NCLN: variants seen among roughly 807,000 people sequenced by gnomAD.
The protein encoded by NCLN is BOS complex subunit NCLN.
A neutral mutation model predicts 69.5 loss-of-function variants in NCLN; 34 were observed. The ratio of observed to expected loss-of-function variants is 0.49; its 90% CI spans 0.37 to 0.65. The LOEUF (loss-of-function observed/expected upper bound fraction) is 0.65. Among genes scored for constraint, NCLN ranks in the 30% least tolerant of loss-of-function variants. NCLN has a pLI of 0.00. For missense variants in NCLN, 710 were observed against 804.8 expected, an observed-to-expected ratio of 0.88 and a Z score of 1.42; for synonymous variants, 393 against 358.3, an observed-to-expected ratio of 1.10 and a Z score of -1.09.
intron 1 of NCLN, among the ~76,000 whole-genome samples, chr19:3,190,437 C>G (rs1915789411): frequency 6.6e-6 from 1 of 152,210 alleles, no homozygotes; most frequent in African/African-American, 2.4e-5. Context: ...ATGCACCCAG[C>G]TCAGCCCATC....
intron 9 of NCLN, 26 bp downstream of exon 9, chr19:3,204,777 C>A: frequency 6.9e-7 from 1 of 1,440,052 alleles, no homozygotes; most frequent in East Asian, 2.7e-5. Context: ...CCTGCCCGGC[C>A]CCTCCTAGGG....
chr19:3,206,102 GC>G, intron 10 of NCLN, 49 bp from the exon 11 acceptor site: 1 of 1,562,506 alleles, frequency 6.4e-7, no homozygotes, highest in East Asian at 2.4e-5. Flanking sequence ...CCTGGCCCCA[GC>G]CCCACTGCAG....
chr19:3,186,366 C>T, intron 1 of NCLN, 152 bp downstream of exon 1: 1 of 919,276 alleles, frequency 1.1e-6, no homozygotes, highest in Non-Finnish European at 1.5e-6. Context: ...GCCCTGGACC[C>T]CCGGGCGCCC....
At chr19:3,196,558 C>T (rs1342401399) in intron 4 of NCLN, among the ~76,000 whole-genome samples, 1 of 152,166 alleles carries the variant, frequency 6.6e-6, no homozygotes, top group East Asian at 1.9e-4. Context: ...AAGCCGCTGC[C>T]TCCCACCCCA....
rs1192809875 is a variant in NCLN at position 3,202,069 on chromosome 19, A to G, written c.800+443A>G. On this transcript the variant is annotated intron_variant, in intron 6 of 14. Transcript: ENST00000246117. ...CCACAGGTGCCCTCCGACATCACCC[A>G]CTGTCCGCTGGGGGCAGAAGCACCC... Among the ~76,000 whole-genome samples, 4 of 152,124 alleles carry G rather than the reference A, an allele frequency of 2.6e-5. No individual in the cohort carries two copies. The East Asian group carries it at 5.8e-4, about 22-fold the overall frequency.
chr19:3,200,526 G>T (rs997198228), intron 5 of NCLN, among the ~76,000 whole-genome samples: 8 of 150,988 alleles, frequency 5.3e-5, no homozygotes, highest in African/African-American at 1.9e-4. Flanking sequence ...TGGCCAGGAT[G>T]GTCTTGAACT....
Position 3,207,856 on chromosome 19 carries a change from G to A in NCLN, c.*168G>A, listed in dbSNP as rs189043388. 7.9e-3 allele frequency: 4,791 copies of A among 603,718 alleles called. 178 individuals carry two copies. In the African/African-American group the frequency reaches 0.08, roughly 10 times the overall value. 37.4% of individuals were successfully genotyped at this position (603,718 alleles called of 1,614,324 possible). A position where few individuals can be genotyped will look rare whatever the true frequency, so the allele number is the denominator to read the frequency against. ...ACAGAGCTTTTTTCTGTTGCTCTCC[G>A]AGACTGGGGGGGGATTGTTTCTTCT... On this transcript the variant is annotated 3_prime_UTR_variant, in exon 15 of 15. Coordinates refer to ENST00000246117, the MANE Select transcript of NCLN (RefSeq NM_020170.4).
intron 8 of NCLN, among the ~76,000 whole-genome samples, 179 bp from the exon 9 acceptor site, chr19:3,204,391 CCTT>C (rs1240345097): frequency 1.3e-5 from 2 of 152,114 alleles, no homozygotes; most frequent in Admixed American, 6.5e-5. Context: ...CCTTGTCCCT[CCTT>C]ACCCACTGCT....
At position 3,186,164 on chromosome 19, in the gene NCLN, A is replaced by T; in HGVS notation, c.134A>T (p.Glu45Val). The T allele has an allele frequency of 1.9e-6, 3 of 1,595,998 alleles. No homozygotes were observed. Among genetic ancestry groups the T allele is most frequent in the Non-Finnish European group, 2.6e-6 (3 of 1,173,632 alleles). Residue 45 changes from glutamate (E) to valine (V), a missense_variant, in exon 1 of 15, where the codon GAG (glutamate) becomes GTG (valine). Glu to Val is a moderately radical substitution (Grantham distance 121). Transcript: ENST00000246117. ...PPLPAADAAH[E>V]FTVYRMQQYD... Reference sequence around the variant, plus strand: ...CTGCCTGCCGCCGACGCCGCGCACGAGTTCACCGTGTACCGCATGCAGCAG... The same window carrying T: ...CTGCCTGCCGCCGACGCCGCGCACGTGTTCACCGTGTACCGCATGCAGCAG...
At chr19:3,195,182 GAAA>G (rs57369430) in intron 3 of NCLN, among the ~76,000 whole-genome samples, 1 of 143,856 alleles carries the variant, frequency 7.0e-6, no homozygotes, top group Non-Finnish European at 1.5e-5. Context: ...ACTCCGACTT[GAAA>G]AAAAAAAAAA....
chr19:3,195,896 C>G (rs1243466505), intron 3 of NCLN, among the ~76,000 whole-genome samples: 1 of 152,164 alleles, frequency 6.6e-6, no homozygotes, highest in East Asian at 1.9e-4. Flanking sequence ...GGCCCTAAGT[C>G]CCTAAGTGAA....
chr19:3,199,441 A>G (rs1916063971), intron 5 of NCLN, among the ~76,000 whole-genome samples: 2 of 152,228 alleles, frequency 1.3e-5, no homozygotes, highest in South Asian at 2.1e-4. Context: ...AGCTGGTTCT[A>G]CAGCCCCTGC....
chr19:3,197,840 G>T (rs1002141193), intron 4 of NCLN, among the ~76,000 whole-genome samples: 2 of 152,070 alleles, frequency 1.3e-5, no homozygotes, highest in African/African-American at 4.8e-5. Context: ...AGGCTGGTCT[G>T]GAACTCCTGA....
In NCLN at chr19:3,206,393, C is replaced by T. The variant is rs201065233; in HGVS notation, c.1467C>T (p.Asp489=). ...LEHHLSRYLK[D]VKQHHVKADK... is the part of the protein sequence containing the mutation. ...ACCACCTGAGCCGCTACCTGAAGGA[C>T]GTGAAGCAGCACCACGTCAAGGCTG... Residue 489 remains aspartate (D), a synonymous_variant, in exon 12 of 15, where the codon GAC becomes GAT. Transcript: ENST00000246117. The T allele has an allele frequency of 1.1e-5, 17 of 1,548,072 alleles. No homozygotes were observed. The highest frequency in any genetic ancestry group is 7.3e-5 in the East Asian group (3 of 40,924).
intron 5 of NCLN, among the ~76,000 whole-genome samples, chr19:3,201,272 G>T (rs1916118803): frequency 6.6e-6 from 1 of 152,208 alleles, no homozygotes; most frequent in South Asian, 2.1e-4. Context: ...GGCTTGGCGG[G>T]GCCCCGCAGA....
chr19:3,186,054 G>A lies in NCLN; in HGVS notation c.24G>A (p.Val8=), dbSNP rs1255190907. 2.5e-6 allele frequency: 4 copies of A among 1,591,900 alleles called. No homozygotes were observed. Among genetic ancestry groups the A allele is most frequent in the Non-Finnish European group, 3.4e-6 (4 of 1,172,014 alleles). The change falls in exon 1 of 15, where the codon GTG becomes GTA. Residue 8 remains valine, a synonymous_variant. Transcript: ENST00000246117. MLEEAGE[V]LENMLKASCL... is the part of the protein sequence containing the mutation. ...GGATGCTGGAGGAAGCGGGCGAGGT[G>A]CTGGAGAACATGCTGAAGGCGTCTT...
Position 3,193,201 on chromosome 19 carries a change from C to A in NCLN, c.376-83C>A, listed in dbSNP as rs967033566. The A allele has an allele frequency of 4.5e-6, 6 of 1,345,468 alleles. No homozygotes were observed. The African/African-American group carries it at 5.9e-5, about 13-fold the overall frequency. The allele number at this position is 1,345,468 out of a possible 1,614,324, so 83.3% of individuals were successfully genotyped here. On this transcript the variant is annotated intron_variant, in intron 2 of 14. Coordinates refer to ENST00000246117, the MANE Select transcript of NCLN (RefSeq NM_020170.4). Reference sequence around the variant, plus strand: ...CAGTCACTGGGCCCCCTGCTACCCCCACCAGGGACAGTCACTGGGCCCCCT... The same window carrying A: ...CAGTCACTGGGCCCCCTGCTACCCCAACCAGGGACAGTCACTGGGCCCCCT...
intron 3 of NCLN, among the ~76,000 whole-genome samples, chr19:3,195,451 G>A (rs1032881546): frequency 5.3e-5 from 8 of 152,030 alleles, no homozygotes; most frequent in Admixed American, 3.9e-4. Flanking sequence ...GGGTTTCACC[G>A]TGTTAGCCAG....
Sources: gnomAD v4.1 joint callset for allele counts (sites outside exome capture counted in the v4.1 genomes callset) on GRCh38, gnomAD v4.1.1 for gene constraint, MANE v1.5 for transcripts, NCBI Gene and HGNC (gene_info 2026-07-23, HGNC 2026-07-21) for gene names.